The following USH2A variants were observed in gnomAD, a reference collection of about 807,000 sequenced individuals.
USH2A encodes usherin, also known as Usher syndrome 2A (autosomal recessive, mild).
In USH2A, 443 loss-of-function variants were observed where a neutral mutation model predicts 538.9. That is an observed-to-expected ratio of 0.82 (90% CI 0.76 to 0.89). The LOEUF (loss-of-function observed/expected upper bound fraction) is 0.89, where lower values mean the gene tolerates loss of function less well. USH2A is among the 40% of genes least tolerant of loss of function. The pLI, the probability that USH2A is intolerant of heterozygous loss-of-function variation, is 0.00. For synonymous variants in USH2A, 2,413 were observed against 2,273.5 expected, an observed-to-expected ratio of 1.06 and a Z score of -1.75; for missense variants, 6,633 against 6,324.8, an observed-to-expected ratio of 1.05 and a Z score of -1.65.
rs1031332376 is a variant in USH2A at position 215,741,408 on chromosome 1, G to T, written c.11678C>A (p.Pro3893Gln). Reference protein sequence around the residue: ...IEIKWMPPEKPNGIIINYFIY... With the variant: ...IEIKWMPPEKQNGIIINYFIY... ...AAAGTAGTTGATGATGATTCCATTT[G>T]GTTTTTCAGGTGGCATCCACTTAAT... The change falls in exon 60 of 72, where the codon CCA (proline) becomes CAA (glutamine). Residue 3893 changes from proline to glutamine, a missense_variant. Physicochemically the swap from Pro to Gln is moderately conservative, Grantham distance 76. Coordinates refer to ENST00000307340, the MANE Select transcript of USH2A (RefSeq NM_206933.4). 1.2e-6 allele frequency: 2 copies of T among 1,613,726 alleles called. No individual in the cohort carries two copies. The highest frequency in any genetic ancestry group is 2.7e-5 in the African/African-American group (2 of 74,836).
chr1:215,945,354 C>T (rs571007848), intron 37 of USH2A, among the ~76,000 whole-genome samples: 97 of 152,220 alleles, frequency 6.4e-4, no homozygotes, highest in Admixed American at 1.1e-3. Flanking sequence ...GCATTTTATT[C>T]ACCTTAACTG....
chr1:216,147,638 A>C (rs991202081), intron 21 of USH2A, among the ~76,000 whole-genome samples: 1 of 150,876 alleles, frequency 6.6e-6, no homozygotes, highest in Non-Finnish European at 1.5e-5. Flanking sequence ...CCAGCCCGCA[A>C]ACCCCACAAC....
chr1:215,871,250 T>C (rs1161790191), intron 43 of USH2A, among the ~76,000 whole-genome samples: 2 of 152,222 alleles, frequency 1.3e-5, no homozygotes, highest in African/African-American at 4.8e-5. Context: ...AAAAATAATA[T>C]GTGTTAAAAT....
intron 19 of USH2A, among the ~76,000 whole-genome samples, chr1:216,196,312 G>A (rs1313472587): frequency 6.6e-6 from 1 of 150,864 alleles, no homozygotes; most frequent in Non-Finnish European, 1.5e-5. Flanking sequence ...ATGATAAATG[G>A]AAAAAAAACA....
intron 3 of USH2A, among the ~76,000 whole-genome samples, chr1:216,404,789 T>C (rs886508178): frequency 4.6e-5 from 7 of 151,828 alleles, no homozygotes; most frequent in Non-Finnish European, 1.0e-4. Flanking sequence ...CCTGGCTAAT[T>C]GTTTTTGTAT....
chr1:215,642,602 A>G lies in USH2A; in HGVS notation c.14792-1868T>C, dbSNP rs140022834. ...AATTATATTAAAACAAAGCTTATAA[A>G]TACTCCAAATTCATAACTTTTTATT... On this transcript the variant is annotated intron_variant, in intron 67 of 71. Transcript: ENST00000307340. 1.8e-4 allele frequency among the ~76,000 whole-genome samples: 27 copies of G among 152,344 alleles called. No individual in the cohort carries two copies. The East Asian group carries it at 4.6e-3, about 26-fold the overall frequency.
At chr1:215,858,439 C>G (rs550039932) in intron 44 of USH2A, among the ~76,000 whole-genome samples, 1 of 150,690 alleles carries the variant, frequency 6.6e-6, no homozygotes, top group East Asian at 2.0e-4. Context: ...CTCGCAAGAT[C>G]TGATGGTTTC....
intron 32 of USH2A, among the ~76,000 whole-genome samples, chr1:216,040,439 C>T (rs902274016): frequency 5.9e-5 from 9 of 151,912 alleles, no homozygotes; most frequent in Non-Finnish European, 1.0e-4. Flanking sequence ...ACCTCCTTGC[C>T]GGGTTTGGTG....
At chr1:215,635,024 C>T (rs1656431624) in intron 69 of USH2A, among the ~76,000 whole-genome samples, 1 of 152,046 alleles carries the variant, frequency 6.6e-6, no homozygotes, top group Non-Finnish European at 1.5e-5. Flanking sequence ...ACCAAAGTAA[C>T]CTTGAGGGTC....
In USH2A at chr1:216,274,687, A is replaced by C. The variant is rs1241118192; in HGVS notation, c.1971+14593T>G. Among the ~76,000 whole-genome samples the C allele has an allele frequency of 2.0e-5, 3 of 152,212 alleles. No individual in the cohort carries two copies. In the East Asian group the frequency reaches 5.8e-4, roughly 29 times the overall value. ...TACATCATAATACTTGTTTCCATTT[A>C]AGTGTTTTGTGATACTTCTGTTTAT... On this transcript the variant is annotated intron_variant, in intron 11 of 71. Transcript: ENST00000307340.
intron 3 of USH2A, 56 bp from the exon 4 acceptor site, chr1:216,365,141 A>C: frequency 6.4e-7 from 1 of 1,568,936 alleles, no homozygotes. Context: ...ATTTTATATT[A>C]AACACATTTC....
intron 13 of USH2A, among the ~76,000 whole-genome samples, chr1:216,242,530 G>GA (rs1280312129): frequency 6.6e-6 from 1 of 151,924 alleles, no homozygotes; most frequent in Non-Finnish European, 1.5e-5. Flanking sequence ...TCTTAAATGA[G>GA]AAAAAATGCA....
intron 3 of USH2A, among the ~76,000 whole-genome samples, chr1:216,370,398 G>T (rs1166851734): frequency 6.6e-6 from 1 of 151,036 alleles, no homozygotes; most frequent in Admixed American, 6.6e-5. Context: ...AGCTTGGTGC[G>T]GTGGCTCACG....
intron 11 of USH2A, among the ~76,000 whole-genome samples, chr1:216,281,865 GTTT>G (rs766030449): frequency 3.1e-5 from 3 of 96,480 alleles, no homozygotes; most frequent in African/African-American, 4.0e-5. Flanking sequence ...GTTTTTGTCT[GTTT>G]TTTTTTTTTT....
intron 70 of USH2A, among the ~76,000 whole-genome samples, chr1:215,631,692 C>T (rs376333245): frequency 3.0e-3 from 459 of 152,324 alleles, no homozygotes; most frequent in Middle Eastern, 6.8e-3. Context: ...GAGCCAGTTC[C>T]CTGGGCCCAG....
intron 8 of USH2A, among the ~76,000 whole-genome samples, chr1:216,323,016 T>C (rs1377917752): frequency 6.6e-6 from 1 of 152,020 alleles, no homozygotes; most frequent in Non-Finnish European, 1.5e-5. Context: ...GTATTACCCA[T>C]GGAACTGTGC....
chr1:216,161,368 T>C (rs2034056090), intron 21 of USH2A, among the ~76,000 whole-genome samples: 1 of 152,128 alleles, frequency 6.6e-6, no homozygotes, highest in African/African-American at 2.4e-5. Flanking sequence ...GGTTGTTACC[T>C]TTGGCATCAT....
At position 215,888,826 on chromosome 1, in the gene USH2A, C is replaced by T. The variant is rs1451401776; in HGVS notation, c.7823G>A (p.Cys2608Tyr). Residue 2608 changes from cysteine to tyrosine, a missense_variant, in exon 41 of 72, where the codon TGT becomes TAT. Coordinates refer to ENST00000307340, the MANE Select transcript of USH2A (RefSeq NM_206933.4). Reference sequence around the variant, plus strand: ...AGTCTGGGACTCTGGTGAAAGGGAACATCCTTTTGAAGTGCAGGCTTCTAC... The same window carrying T: ...AGTCTGGGACTCTGGTGAAAGGGAATATCCTTTTGAAGTGCAGGCTTCTAC... The part of the protein sequence containing the change: ...FQVEACTSKG[C>Y]SLSPESQTVW... The T allele has an allele frequency of 6.2e-7, 1 of 1,614,162 alleles. No homozygotes were observed. The highest frequency in any genetic ancestry group is 1.1e-5 in the South Asian group (1 of 91,076).
At chr1:216,212,001 G>A (rs1298764279) in intron 15 of USH2A, among the ~76,000 whole-genome samples, 1 of 152,024 alleles carries the variant, frequency 6.6e-6, no homozygotes, top group African/African-American at 2.4e-5. Context: ...AACTCTGCAT[G>A]CTATCAGGAA....
Sources: allele counts gnomAD v4.1 joint callset (sites outside exome capture counted in the v4.1 genomes callset), GRCh38; gene constraint gnomAD v4.1.1; transcripts MANE v1.5; gene names NCBI Gene and HGNC (gene_info 2026-07-23, HGNC 2026-07-21).